The following SORCS1 variants were observed in gnomAD, a reference collection of about 807,000 sequenced individuals.
SORCS1 encodes sortilin related VPS10 domain containing receptor 1, also known as VPS10 domain-containing receptor SorCS1.
A neutral mutation model predicts 146.1 loss-of-function variants in SORCS1; 60 were observed. The observed-to-expected ratio is 0.41, with a 90% CI of 0.33 to 0.51. The LOEUF is 0.51. SORCS1 is among the 20% of genes least tolerant of loss of function. SORCS1 has a pLI of 0.21. For missense variants in SORCS1, 1,352 were observed against 1,487.6 expected, an observed-to-expected ratio of 0.91 and a Z score of 1.50; for synonymous variants, 637 against 584.0, an observed-to-expected ratio of 1.09 and a Z score of -1.31.
chr10:107,144,644 T>C lies in SORCS1; in HGVS notation c.558+19325A>G, dbSNP rs551741652. 3.9e-5 allele frequency among the ~76,000 whole-genome samples: 6 copies of C among 152,328 alleles called. No homozygotes were observed. The South Asian group carries it at 1.0e-3, about 26-fold the overall frequency. On this transcript the variant is annotated intron_variant, in intron 1 of 25. Transcript: ENST00000263054. ...AACAAGAGCCCATGGCCTTGCCATATTGGGCACTCCGTAGTGAGCAGCTGA... is the reference window on the plus strand; with the variant it reads ...AACAAGAGCCCATGGCCTTGCCATACTGGGCACTCCGTAGTGAGCAGCTGA...
At chr10:107,064,841 C>A (rs1432034116) in intron 1 of SORCS1, among the ~76,000 whole-genome samples, 1 of 152,164 alleles carries the variant, frequency 6.6e-6, no homozygotes, top group Non-Finnish European at 1.5e-5. Context: ...GATCTCCATC[C>A]ATCTTCAAGA....
intron 1 of SORCS1, among the ~76,000 whole-genome samples, chr10:107,004,329 T>C (rs538439672): frequency 4.9e-4 from 75 of 152,310 alleles, no homozygotes; most frequent in Admixed American, 1.8e-3. Context: ...ATCACACTGC[T>C]AATGAAGACA....
chr10:106,582,170 C>T (rs1844960885), intron 24 of SORCS1, among the ~76,000 whole-genome samples: 2 of 151,994 alleles, frequency 1.3e-5, no homozygotes, highest in Non-Finnish European at 2.9e-5. Context: ...TGAACCTTTT[C>T]CCTTCTCTTT....
intron 5 of SORCS1, among the ~76,000 whole-genome samples, chr10:106,760,287 A>G (rs1379631758): frequency 6.6e-6 from 1 of 151,896 alleles, no homozygotes; most frequent in East Asian, 1.9e-4. Flanking sequence ...TACTAAAAAT[A>G]CAAAAACTTA....
intron 1 of SORCS1, among the ~76,000 whole-genome samples, chr10:107,055,049 G>T (rs1347253720): frequency 1.3e-5 from 2 of 152,148 alleles, no homozygotes; most frequent in African/African-American, 4.8e-5. Context: ...AGGACCAGGG[G>T]GAGCTGAAAT....
chr10:106,663,437 G>A (rs955447568), intron 17 of SORCS1, among the ~76,000 whole-genome samples: 1 of 152,006 alleles, frequency 6.6e-6, no homozygotes, highest in African/African-American at 2.4e-5. Context: ...GCCAGGATTG[G>A]GATGATGATG....
chr10:106,801,184 T>G (rs999123817), intron 3 of SORCS1, among the ~76,000 whole-genome samples: 1 of 152,164 alleles, frequency 6.6e-6, no homozygotes, highest in Non-Finnish European at 1.5e-5. Flanking sequence ...GAACACCTAA[T>G]TTTCACATAC....
At chr10:107,148,848 T>C (rs1356933380) in intron 1 of SORCS1, among the ~76,000 whole-genome samples, 1 of 152,194 alleles carries the variant, frequency 6.6e-6, no homozygotes, top group Non-Finnish European at 1.5e-5. Context: ...TCTCTGGGGA[T>C]AGTCATTTAT....
chr10:106,780,977 CTT>C (rs3045084), intron 3 of SORCS1, among the ~76,000 whole-genome samples: 94 of 146,038 alleles, frequency 6.4e-4, no homozygotes, highest in African/African-American at 1.7e-3. Context: ...GTCACTTCTC[CTT>C]TTTTTTTTTT....
intron 3 of SORCS1, among the ~76,000 whole-genome samples, chr10:106,828,052 C>G (rs576665470): frequency 2.0e-5 from 3 of 152,318 alleles, no homozygotes; most frequent in African/African-American, 7.2e-5. Flanking sequence ...GTGCTAAGCA[C>G]CTGAAATGCC....
intron 3 of SORCS1, among the ~76,000 whole-genome samples, chr10:106,779,499 G>T (rs925146637): frequency 6.6e-6 from 1 of 150,490 alleles, no homozygotes; most frequent in Non-Finnish European, 1.5e-5. Flanking sequence ...ATTGTGGATT[G>T]AGGATTTTAT....
chr10:106,616,069 C>T (rs1234022993), intron 21 of SORCS1, among the ~76,000 whole-genome samples: 2 of 152,208 alleles, frequency 1.3e-5, no homozygotes, highest in Non-Finnish European at 2.9e-5. Context: ...ATTACTATCA[C>T]CACCACCATC....
At chr10:107,094,187 T>C (rs2134331475) in intron 1 of SORCS1, among the ~76,000 whole-genome samples, 1 of 152,318 alleles carries the variant, frequency 6.6e-6, no homozygotes, top group East Asian at 1.9e-4. Context: ...AAACATTTTT[T>C]TTTAATTCCC....
chr10:107,148,218 G>A (rs1242235052), intron 1 of SORCS1, among the ~76,000 whole-genome samples: 1 of 152,128 alleles, frequency 6.6e-6, no homozygotes, highest in Non-Finnish European at 1.5e-5. Context: ...CCTTTACTGT[G>A]CCTCACTGCT....
At chr10:106,805,075 A>T (rs1947095680) in intron 3 of SORCS1, among the ~76,000 whole-genome samples, 2 of 152,164 alleles carry the variant, frequency 1.3e-5, no homozygotes, top group Admixed American at 1.3e-4. Context: ...AGCACTACAG[A>T]TTTATCACTC....
At chr10:106,905,372 T>C (rs1951867880) in intron 2 of SORCS1, among the ~76,000 whole-genome samples, 1 of 152,128 alleles carries the variant, frequency 6.6e-6, no homozygotes, top group African/African-American at 2.4e-5. Flanking sequence ...TTTGAAAATC[T>C]AGGTGGAATA....
At chr10:106,693,494 T>A (rs1025184698) in intron 9 of SORCS1, among the ~76,000 whole-genome samples, 1 of 152,228 alleles carries the variant, frequency 6.6e-6, no homozygotes, top group African/African-American at 2.4e-5. Context: ...AATTGTATTT[T>A]ATTCAGTCGT....
At chr10:107,109,991 T>A (rs966331265) in intron 1 of SORCS1, among the ~76,000 whole-genome samples, 29 of 152,200 alleles carry the variant, frequency 1.9e-4, no homozygotes, top group African/African-American at 6.8e-4. Context: ...TACAGCCAAC[T>A]TCTTCAGCAA....
At chr10:106,819,574 G>C (rs1183044987) in intron 3 of SORCS1, among the ~76,000 whole-genome samples, 1 of 152,148 alleles carries the variant, frequency 6.6e-6, no homozygotes, top group Non-Finnish European at 1.5e-5. Flanking sequence ...GTAGCTAAGA[G>C]AGCATTAAAA....
Sources: gnomAD v4.1 joint callset for allele counts (sites outside exome capture counted in the v4.1 genomes callset) on GRCh38, gnomAD v4.1.1 for gene constraint, MANE v1.5 for transcripts, NCBI Gene and HGNC (gene_info 2026-07-23, HGNC 2026-07-21) for gene names.